The following SCHIP1 variants were observed in gnomAD, a reference collection of about 807,000 sequenced individuals.
SCHIP1 encodes schwannomin interacting protein 1.
Under a neutral mutation model 29.7 loss-of-function variants are expected in SCHIP1, and 8 were observed. The ratio of observed to expected loss-of-function variants is 0.27; its 90% CI spans 0.16 to 0.49. SCHIP1 has a LOEUF of 0.49. SCHIP1 is among the 20% of genes least tolerant of loss of function. The pLI is 0.99. For missense variants in SCHIP1, 193 were observed against 294.6 expected (o/e 0.66, Z 2.52); for synonymous variants, 76 against 94.9 (o/e 0.80, Z 1.16).
chr3:159,746,102 G>A, the SCHIP1 span, among the ~76,000 whole-genome samples: 22 of 152,288 alleles, frequency 1.4e-4, no homozygotes, highest in African/African-American at 3.6e-4. Flanking sequence ...ATACAATTAC[G>A]TAAATGCTTG....
chr3:159,784,412 T>C, the SCHIP1 span, among the ~76,000 whole-genome samples: 4 of 152,238 alleles, frequency 2.6e-5, no homozygotes, highest in Non-Finnish European at 1.5e-5. Context: ...CTTGACACTA[T>C]AAGGAATGCA....
At chr3:159,529,141 A>G in the SCHIP1 span, among the ~76,000 whole-genome samples, 1 of 152,232 alleles carries the variant, frequency 6.6e-6, no homozygotes, top group African/African-American at 2.4e-5. Flanking sequence ...GCCAGACACT[A>G]TTCAGGCATG....
At chr3:159,536,828 A>G in the SCHIP1 span, among the ~76,000 whole-genome samples, 3 of 152,242 alleles carry the variant, frequency 2.0e-5, no homozygotes, top group Non-Finnish European at 4.4e-5. Context: ...AAATTATATC[A>G]AAAACAAAGG....
chr3:159,868,637 C>T (rs1714912241), intron 2 of SCHIP1, among the ~76,000 whole-genome samples: 1 of 152,034 alleles, frequency 6.6e-6, no homozygotes. Context: ...TCCTTTCTCC[C>T]CATGTTCTGC....
At chr3:159,286,126 A>G in the SCHIP1 span, among the ~76,000 whole-genome samples, 1 of 152,068 alleles carries the variant, frequency 6.6e-6, no homozygotes, top group Non-Finnish European at 1.5e-5. Context: ...AATATAGGTA[A>G]ATTCCATGTC....
At chr3:159,627,073 CCT>C in the SCHIP1 span, among the ~76,000 whole-genome samples, 3 of 152,120 alleles carry the variant, frequency 2.0e-5, no homozygotes, top group East Asian at 3.9e-4. Flanking sequence ...TGTTCCACTC[CCT>C]GTGTCCATGT....
chr3:159,610,605 AC>A, the SCHIP1 span, among the ~76,000 whole-genome samples: 1 of 151,980 alleles, frequency 6.6e-6, no homozygotes, highest in African/African-American at 2.4e-5. Flanking sequence ...TCAAACACCT[AC>A]CCTTTGGAGT....
the SCHIP1 span, among the ~76,000 whole-genome samples, chr3:159,464,618 C>T: frequency 0.015 from 2,303 of 152,182 alleles, 69 homozygotes; most frequent in African/African-American, 0.054. Flanking sequence ...TCCCTTCATG[C>T]TTTTATCCAC....
At chr3:159,668,465 G>A in the SCHIP1 span, among the ~76,000 whole-genome samples, 2 of 151,782 alleles carry the variant, frequency 1.3e-5, no homozygotes, top group African/African-American at 4.8e-5. Flanking sequence ...AAACCTGGAG[G>A]TGTATACCTA....
intron 2 of SCHIP1, among the ~76,000 whole-genome samples, chr3:159,877,900 C>G (rs1015515380): frequency 6.6e-6 from 1 of 152,096 alleles, no homozygotes; most frequent in African/African-American, 2.4e-5. Flanking sequence ...TACTGCAGAT[C>G]CAAGGAGGAG....
At chr3:159,409,322 A>G in the SCHIP1 span, among the ~76,000 whole-genome samples, 1 of 152,096 alleles carries the variant, frequency 6.6e-6, no homozygotes, top group Non-Finnish European at 1.5e-5. Flanking sequence ...AGGCACCCAA[A>G]TTAGAATGAG....
chr3:159,847,642 C>T (rs1317276132), intron 1 of SCHIP1, among the ~76,000 whole-genome samples: 1 of 152,172 alleles, frequency 6.6e-6, no homozygotes, highest in Non-Finnish European at 1.5e-5. Flanking sequence ...TTGAGTTTCT[C>T]GTGCTTGGTT....
the SCHIP1 span, among the ~76,000 whole-genome samples, chr3:159,442,732 G>A: frequency 6.6e-6 from 1 of 152,054 alleles, no homozygotes; most frequent in African/African-American, 2.4e-5. Flanking sequence ...CAGTGGCCTT[G>A]CTAAGAGGCT....
the SCHIP1 span, among the ~76,000 whole-genome samples, chr3:159,524,969 T>C: frequency 6.6e-6 from 1 of 152,166 alleles, no homozygotes; most frequent in Non-Finnish European, 1.5e-5. Flanking sequence ...TGACATGGCC[T>C]CCTGGCTGGT....
the SCHIP1 span, among the ~76,000 whole-genome samples, chr3:159,634,257 C>T: frequency 6.6e-6 from 1 of 151,998 alleles, no homozygotes; most frequent in Non-Finnish European, 1.5e-5. Context: ...CAATGGATTG[C>T]CTCTGGGAGG....
At chr3:159,469,828 C>T in the SCHIP1 span, among the ~76,000 whole-genome samples, 1 of 152,162 alleles carries the variant, frequency 6.6e-6, no homozygotes, top group East Asian at 1.9e-4. Flanking sequence ...AACTATGAAG[C>T]AAATATAACT....
At chr3:159,275,992 A>G in the SCHIP1 span, among the ~76,000 whole-genome samples, 241 of 152,298 alleles carry the variant, frequency 1.6e-3, 10 homozygotes, top group South Asian at 0.046. Context: ...ACCTTTGGCT[A>G]CAAAGAATGT....
the SCHIP1 span, among the ~76,000 whole-genome samples, chr3:159,411,962 A>G: frequency 6.6e-6 from 1 of 152,222 alleles, no homozygotes; most frequent in South Asian, 2.1e-4. Context: ...GAAATTAGGC[A>G]CTTATCTCTT....
At chr3:159,873,469 T>G (rs1348732168) in intron 2 of SCHIP1, among the ~76,000 whole-genome samples, 2 of 152,248 alleles carry the variant, frequency 1.3e-5, no homozygotes. Context: ...TGTTGGGTTT[T>G]AGCCCCACTG....
Sources: allele counts gnomAD v4.1 joint callset (sites outside exome capture counted in the v4.1 genomes callset), GRCh38; gene constraint gnomAD v4.1.1; transcripts MANE v1.5; gene names NCBI Gene and HGNC (gene_info 2026-07-23, HGNC 2026-07-21).